ZC3H10: variants seen among roughly 807,000 people sequenced by gnomAD.
The protein encoded by ZC3H10 is zinc finger CCCH domain-containing protein 10.
A neutral mutation model predicts 24.3 loss-of-function variants in ZC3H10; 12 were observed. The observed-to-expected ratio is 0.49, with a 90% CI of 0.32 to 0.80. The LOEUF (loss-of-function observed/expected upper bound fraction) is 0.80, where lower values mean the gene tolerates loss of function less well. Among genes scored for constraint, ZC3H10 ranks in the 30% least tolerant of loss-of-function variants. The pLI, the probability that ZC3H10 is intolerant of heterozygous loss-of-function variation, is 0.04. For missense variants in ZC3H10, 360 were observed against 576.3 expected, an observed-to-expected ratio of 0.62 and a Z score of 3.84; for synonymous variants, 226 against 217.0, an observed-to-expected ratio of 1.04 and a Z score of -0.36.
At position 56,120,640 on chromosome 12, in the gene ZC3H10, C is replaced by T. The variant is rs759907426; in HGVS notation, c.78C>T (p.Ala26=). 11 of 1,607,392 alleles carry T rather than the reference C, an allele frequency of 6.8e-6. No homozygotes were observed. The African/African-American group carries it at 1.5e-4, about 21-fold the overall frequency. The part of the protein sequence containing the change: ...GGPGGGGSEE[A]SGAGVGSGGA... ...CTGGAGGTGGTGGCAGCGAGGAGGC[C>T]AGTGGGGCAGGGGTAGGCAGTGGCG... The change falls in exon 3 of 3, where the codon GCC becomes GCT. Residue 26 remains alanine (A), a synonymous_variant. Transcript: ENST00000257940.
Position 56,120,721 on chromosome 12 carries a change from C to T in ZC3H10, c.159C>T (p.Gly53=), listed in dbSNP as rs768036278. ...TCTTGAGGAATGTGTGCAAGCGAGGCAAGCGTTGCCGATATCGCCACCCAG... is the reference window on the plus strand; with the variant it reads ...TCTTGAGGAATGTGTGCAAGCGAGGTAAGCGTTGCCGATATCGCCACCCAG... ...RDFLRNVCKR[G]KRCRYRHPDM... The change falls in exon 3 of 3, where the codon GGC becomes GGT. Residue 53 remains glycine, a synonymous_variant. Coordinates refer to ENST00000257940, the MANE Select transcript of ZC3H10 (RefSeq NM_032786.3). 6.8e-6 allele frequency: 11 copies of T among 1,614,122 alleles called. No individual in the cohort carries two copies. The highest frequency in any genetic ancestry group is 9.3e-6 in the Non-Finnish European group (11 of 1,180,000).
At chr12:56,119,205 T>C (rs1287703692) in intron 2 of ZC3H10, 54 bp downstream of exon 2, 2 of 152,682 alleles carry the variant, frequency 1.3e-5, no homozygotes, top group African/African-American at 4.8e-5. Context: ...AATTATCTGC[T>C]GCTGGTGCGA....
chr12:56,120,506 T>C lies in ZC3H10; in HGVS notation c.-52-5T>C, dbSNP rs1245318275. On this transcript the variant is annotated splice_polypyrimidine_tract_variant and splice_region_variant and intron_variant, in intron 2 of 2. Coordinates refer to ENST00000257940, the MANE Select transcript of ZC3H10 (RefSeq NM_032786.3). ...CCTGTTTGATACAGTTCTCCTCTTT[T>C]GTAGTGGTCACCAAGAGTGGCAAGA... 39 of 1,472,758 alleles carry C rather than the reference T, an allele frequency of 2.6e-5. No individual in the cohort carries two copies. Among genetic ancestry groups the C allele is most frequent in the Non-Finnish European group, 3.2e-5 (36 of 1,119,778 alleles). The allele number at this position is 1,472,758 out of a possible 1,614,324, so 91.2% of individuals were successfully genotyped here.
rs746142402 is a variant in ZC3H10, at chr12:56,121,677, C to A, written c.1115C>A (p.Thr372Lys). The A allele has an allele frequency of 6.2e-7, 1 of 1,613,442 alleles. No individual in the cohort carries two copies. Among genetic ancestry groups the A allele is most frequent in the South Asian group, 1.1e-5 (1 of 91,074 alleles). The change falls in exon 3 of 3, where the codon ACA becomes AAA. Residue 372 changes from threonine to lysine, a missense_variant. Around this residue, in one of 3 missense-constraint regions of ZC3H10, gnomAD observed 133 missense variants for 256.7 expected, o/e 0.52. Transcript: ENST00000257940. This position sits in a 1 kb window ranked among gnomAD's most constrained non-coding sequence, Gnocchi z 6.2. ...CCACTGTCAGCTGCCCTGGCTCAAA[C>A]AATTGCCCAGGGAATGGCACCTCCA... ...ITPLSAALAQ[T>K]IAQGMAPPPV...
chr12:56,121,210 C>T lies in ZC3H10; in HGVS notation c.648C>T (p.Pro216=), dbSNP rs1323402462. ...AACGCCGGCGAGGTGGATGCTGCCC[C>T]CCTGATGGCCCTCATTTTGAGTCAT... ...GPKRRRGGCC[P]PDGPHFESYE... is the part of the protein sequence containing the mutation. The change falls in exon 3 of 3, where the codon CCC becomes CCT. Residue 216 remains proline, a synonymous_variant. Coordinates refer to ENST00000257940, the MANE Select transcript of ZC3H10 (RefSeq NM_032786.3). The surrounding 1 kb of genome is among the most constrained non-coding windows in gnomAD (Gnocchi z 6.2). The T allele has an allele frequency of 6.2e-6, 10 of 1,613,790 alleles. No individual in the cohort carries two copies. Among genetic ancestry groups the T allele is most frequent in the South Asian group, 3.3e-5 (3 of 91,086 alleles).
Position 56,123,643 on chromosome 12 carries a change from A to C in ZC3H10, c.*1776A>C, listed in dbSNP as rs948696070. 9 of 151,902 alleles carry C rather than the reference A, an allele frequency of 5.9e-5. No homozygotes were observed. Among genetic ancestry groups the C allele is most frequent in the African/African-American group, 9.7e-5 (4 of 41,328 alleles). 9.4% of individuals were successfully genotyped at this position (151,902 alleles called of 1,614,324 possible). ...CATCGTGTTGGCCAGAATGGTCTCT[A>C]TCTCTCGTGATCCGCCCGCCTCAGC... On this transcript the variant is annotated 3_prime_UTR_variant, in exon 3 of 3. Coordinates refer to ENST00000257940, the MANE Select transcript of ZC3H10 (RefSeq NM_032786.3).
chr12:56,120,028 C>T (rs990990375), intron 2 of ZC3H10: 1 of 174,618 alleles, frequency 5.7e-6, no homozygotes, highest in African/African-American at 2.4e-5. Flanking sequence ...CCCAGGATTT[C>T]TTGGCTTCTA....
At chr12:56,119,372 AT>A (rs2136854140) in intron 2 of ZC3H10, 1 of 152,174 alleles carries the variant, frequency 6.6e-6, no homozygotes, top group South Asian at 2.1e-4. Flanking sequence ...CCTCTTACAG[AT>A]TCTCTTGTAA....
rs1180086493 is a variant in ZC3H10, at chr12:56,126,193, T to A, written c.*4326T>A. The A allele has an allele frequency of 1.3e-5, 2 of 152,222 alleles. No individual in the cohort carries two copies. Among genetic ancestry groups the A allele is most frequent in the Non-Finnish European group, 2.9e-5 (2 of 68,048 alleles). The allele number at this position is 152,222 out of a possible 1,614,324, so 9.4% of individuals were successfully genotyped here. ...GAGATCAGAGTACCGTATCTCACCC[T>A]CTGCCTCTTGGAGGTGATTATGGTT... On this transcript the variant is annotated 3_prime_UTR_variant, in exon 3 of 3. Coordinates refer to ENST00000257940, the MANE Select transcript of ZC3H10 (RefSeq NM_032786.3).
chr12:56,123,549 G>C lies in ZC3H10; in HGVS notation c.*1682G>C, dbSNP rs1183225387. 1 of 151,594 alleles carries C rather than the reference G, an allele frequency of 6.6e-6. No homozygotes were observed. Among genetic ancestry groups the C allele is most frequent in the Non-Finnish European group, 1.5e-5 (1 of 67,978 alleles). 9.4% of individuals were successfully genotyped at this position (151,594 alleles called of 1,614,324 possible). A position where few individuals can be genotyped will look rare whatever the true frequency, so the allele number is the denominator to read the frequency against. On this transcript the variant is annotated 3_prime_UTR_variant, in exon 3 of 3. Transcript: ENST00000257940. Reference sequence around the variant, plus strand: ...CGATTCTCTTGCGTCAGCCTCCCGAGTAGCTGAGACTACAGGCGCCCGCCA... The same window carrying C: ...CGATTCTCTTGCGTCAGCCTCCCGACTAGCTGAGACTACAGGCGCCCGCCA...
chr12:56,121,950 C>T lies in ZC3H10; in HGVS notation c.*83C>T, dbSNP rs1039811589. On this transcript the variant is annotated 3_prime_UTR_variant, in exon 3 of 3. Transcript: ENST00000257940. This position sits in a 1 kb window ranked among gnomAD's most constrained non-coding sequence, Gnocchi z 6.2. ...TGCCCACTCACCTAGCCTTCCCCAT[C>T]CCTGTCTGAAGGGCTCCCTTGAGAA... The T allele has an allele frequency of 6.9e-7, 1 of 1,442,782 alleles. No homozygotes were observed. 89.4% of individuals were successfully genotyped at this position (1,442,782 alleles called of 1,614,324 possible).
chr12:56,121,638 C>A lies in ZC3H10; in HGVS notation c.1076C>A (p.Thr359Asn). Residue 359 changes from threonine (T) to asparagine (N), a missense_variant, in exon 3 of 3, where the codon ACC becomes AAC. Transcript: ENST00000257940. The surrounding 1 kb of genome is among the most constrained non-coding windows in gnomAD (Gnocchi z 6.2). ...AAPPPPPPHL[T>N]PEITPLSAAL... is the part of the protein sequence containing the mutation. Reference sequence around the variant, plus strand: ...CCACCACCCCCACCCCCACACTTGACCCCAGAGATCACGCCACTGTCAGCT... The same window carrying A: ...CCACCACCCCCACCCCCACACTTGAACCCAGAGATCACGCCACTGTCAGCT... 6.2e-7 allele frequency: 1 copy of A among 1,613,428 alleles called. No individual in the cohort carries two copies. Among genetic ancestry groups the A allele is most frequent in the Non-Finnish European group, 8.5e-7 (1 of 1,179,658 alleles).
chr12:56,122,245 A>G lies in ZC3H10; in HGVS notation c.*378A>G, dbSNP rs1338197543. On this transcript the variant is annotated 3_prime_UTR_variant, in exon 3 of 3. Coordinates refer to ENST00000257940, the MANE Select transcript of ZC3H10 (RefSeq NM_032786.3). ...TTTAGAAGAAAAAAATACCCTGCCC[A>G]GAGGGAAAGCCAGGAAAGATTGGGA... 2 of 197,802 alleles carry G rather than the reference A, an allele frequency of 1.0e-5. No individual in the cohort carries two copies. The highest frequency in any genetic ancestry group is 1.1e-4 in the Admixed American group (2 of 17,418). The allele number at this position is 197,802 out of a possible 1,614,324, so 12.3% of individuals were successfully genotyped here. A position where few individuals can be genotyped will look rare whatever the true frequency, so the allele number is the denominator to read the frequency against.
rs374457746 is a variant in ZC3H10 at position 56,121,211 on chromosome 12, C to T, written c.649C>T (p.Pro217Ser). 3.7e-6 allele frequency: 6 copies of T among 1,613,820 alleles called. No homozygotes were observed. The African/African-American group carries it at 6.7e-5, about 18-fold the overall frequency. Residue 217 changes from proline to serine, a missense_variant, in exon 3 of 3, where the codon CCT (proline) becomes TCT (serine). Pro to Ser is a moderately conservative substitution (Grantham distance 74). This residue lies in a region of ZC3H10 where 101 missense variants were observed against 110.8 expected (regional missense o/e 0.91). Coordinates refer to ENST00000257940, the MANE Select transcript of ZC3H10 (RefSeq NM_032786.3). This position sits in a 1 kb window ranked among gnomAD's most constrained non-coding sequence, Gnocchi z 6.2. The stretch of plus-strand genomic sequence containing the variant: ...ACGCCGGCGAGGTGGATGCTGCCCC[C>T]CTGATGGCCCTCATTTTGAGTCATA... ...PKRRRGGCCP[P>S]DGPHFESYEY...
rs1198826520 is a variant in ZC3H10, at chr12:56,120,500, C to G, written c.-52-11C>G. ...AGGACTCCTGTTTGATACAGTTCTC[C>G]TCTTTTGTAGTGGTCACCAAGAGTG... On this transcript the variant is annotated splice_polypyrimidine_tract_variant and intron_variant, in intron 2 of 2. Coordinates refer to ENST00000257940, the MANE Select transcript of ZC3H10 (RefSeq NM_032786.3). The G allele has an allele frequency of 1.4e-6, 2 of 1,462,006 alleles. No individual in the cohort carries two copies. Among genetic ancestry groups the G allele is most frequent in the African/African-American group, 2.8e-5 (2 of 70,496 alleles). The allele number at this position is 1,462,006 out of a possible 1,614,324, so 90.6% of individuals were successfully genotyped here. A position where few individuals can be genotyped will look rare whatever the true frequency, so the allele number is the denominator to read the frequency against.
rs1452490128 is a variant in ZC3H10, at chr12:56,123,501, A to G, written c.*1634A>G. 6.7e-6 allele frequency: 1 copy of G among 149,488 alleles called. No individual in the cohort carries two copies. The highest frequency in any genetic ancestry group is 2.5e-5 in the African/African-American group (1 of 40,310). The allele number at this position is 149,488 out of a possible 1,614,324, so 9.3% of individuals were successfully genotyped here. A position where few individuals can be genotyped will look rare whatever the true frequency, so the allele number is the denominator to read the frequency against. On this transcript the variant is annotated 3_prime_UTR_variant, in exon 3 of 3. Coordinates refer to ENST00000257940, the MANE Select transcript of ZC3H10 (RefSeq NM_032786.3). ...CAGTGGCGCAATCTCGGTTCACTGTAACCTGCGCCTCCTGGGTTCAAGCGA... is the reference window on the plus strand; with the variant it reads ...CAGTGGCGCAATCTCGGTTCACTGTGACCTGCGCCTCCTGGGTTCAAGCGA...
rs1173461870 is a variant in ZC3H10 at position 56,120,671 on chromosome 12, A to G, written c.109A>G (p.Ser37Gly). The change falls in exon 3 of 3, where the codon AGC (serine) becomes GGC (glycine). Residue 37 changes from serine (S) to glycine (G), a missense_variant. By Grantham distance (56) the Ser-to-Gly change is moderately conservative. Transcript: ENST00000257940. ...SGAGVGSGGA[S>G]SDAICRDFLR... ...GGCAGGGGTAGGCAGTGGCGGGGCCAGCTCAGATGCCATCTGTAGAGACTT... is the reference window on the plus strand; with the variant it reads ...GGCAGGGGTAGGCAGTGGCGGGGCCGGCTCAGATGCCATCTGTAGAGACTT... 2 of 1,597,392 alleles carry G rather than the reference A, an allele frequency of 1.3e-6. No homozygotes were observed. The highest frequency in any genetic ancestry group is 1.1e-5 in the South Asian group (1 of 88,044).
Position 56,120,777 on chromosome 12 carries a change from G to A in ZC3H10, c.215G>A (p.Ser72Asn), listed in dbSNP as rs763297077. ...DMSEVSNLGV[S>N]KNEFIFCHDF... ...AGCGAGGTGTCCAACTTGGGGGTGAGCAAAAACGAGTTCATCTTCTGCCAT... is the reference window on the plus strand; with the variant it reads ...AGCGAGGTGTCCAACTTGGGGGTGAACAAAAACGAGTTCATCTTCTGCCAT... Residue 72 changes from serine to asparagine, a missense_variant, in exon 3 of 3, where the codon AGC becomes AAC. Physicochemically the swap from Ser to Asn is conservative, Grantham distance 46 (BLOSUM62 1). This residue lies in a region of ZC3H10 where 126 missense variants were observed against 208.8 expected (regional missense o/e 0.60). Coordinates refer to ENST00000257940, the MANE Select transcript of ZC3H10 (RefSeq NM_032786.3). 1 of 1,614,190 alleles carries A rather than the reference G, an allele frequency of 6.2e-7. No homozygotes were observed. The highest frequency in any genetic ancestry group is 1.1e-5 in the South Asian group (1 of 91,080).
rs778681721 is a variant in ZC3H10 at position 56,121,869 on chromosome 12, G to A, written c.*2G>A. 6.2e-7 allele frequency: 1 copy of A among 1,600,136 alleles called. No homozygotes were observed. Among genetic ancestry groups the A allele is most frequent in the South Asian group, 1.1e-5 (1 of 88,874 alleles). On this transcript the variant is annotated 3_prime_UTR_variant, in exon 3 of 3. Transcript: ENST00000257940. This position sits in a 1 kb window ranked among gnomAD's most constrained non-coding sequence, Gnocchi z 6.2. ...CGCATCACGGCCATGCCACACTGAT[G>A]GGGCTAATGGACACTCCCCTGGTAT...
Sources: gnomAD v4.1 joint callset for allele counts on GRCh38, gnomAD v4.1.1 for gene constraint, gnomAD v4.1.1 regional missense constraint, Gnocchi (gnomAD v3.1) non-coding constraint, MANE v1.5 for transcripts, NCBI Gene and HGNC (gene_info 2026-07-23, HGNC 2026-07-21) for gene names.